Variants in CASR observed in about 807,000 individuals in gnomAD.
The protein encoded by CASR is calcium sensing receptor, also known as extracellular calcium-sensing receptor.
In CASR, 23 loss-of-function variants were observed where a neutral mutation model predicts 69.1. That is an observed-to-expected ratio of 0.33 (90% CI 0.24 to 0.47). The LOEUF is 0.47. Ranked by LOEUF, CASR falls within the 20% of genes least tolerant of loss-of-function variation. The pLI is 1.00. For synonymous variants in CASR, 541 were observed against 544.7 expected (o/e 0.99, Z 0.10); for missense variants, 924 against 1,356.1 (o/e 0.68, Z 5.00).
At chr3:122,254,731 C>G (rs889578961) in intron 2 of CASR, among the ~76,000 whole-genome samples, 1 of 152,146 alleles carries the variant, frequency 6.6e-6, no homozygotes, top group African/African-American at 2.4e-5. Flanking sequence ...GTAGTAAAAT[C>G]CCCCATTGAC....
chr3:122,222,059 C>A (rs1448342010), intron 1 of CASR, among the ~76,000 whole-genome samples: 1 of 152,200 alleles, frequency 6.6e-6, no homozygotes, highest in Non-Finnish European at 1.5e-5. Flanking sequence ...TGGCTGACAG[C>A]TTTCTGCCAA....
chr3:122,257,395 AG>A lies in CASR; in HGVS notation c.492+9del, dbSNP rs762880287. The A allele has an allele frequency of 6.2e-6, 10 of 1,610,092 alleles. No homozygotes were observed. Among genetic ancestry groups the A allele is most frequent in the Non-Finnish European group, 7.6e-6 (9 of 1,177,206 alleles). On this transcript the variant is annotated intron_variant, in intron 3 of 6. Coordinates refer to ENST00000639785, the MANE Select transcript of CASR (RefSeq NM_000388.4). Reference sequence around the variant, plus strand: ...CTCTTCTACATTCCCCAGGTACTCAAGCCTTCTCAGGCGGGGCACTGGGAGC... The same window carrying A: ...CTCTTCTACATTCCCCAGGTACTCAACCTTCTCAGGCGGGGCACTGGGAGC...
At chr3:122,272,126 C>G (rs1434026480) in intron 4 of CASR, among the ~76,000 whole-genome samples, 2 of 149,338 alleles carry the variant, frequency 1.3e-5, no homozygotes, top group South Asian at 2.1e-4. Flanking sequence ...CACACACACA[C>G]GAGTAGGATT....
chr3:122,242,190 A>T (rs2074384813), intron 1 of CASR, among the ~76,000 whole-genome samples: 1 of 152,106 alleles, frequency 6.6e-6, no homozygotes, highest in African/African-American at 2.4e-5. Flanking sequence ...GAGCAATCAG[A>T]CAAGAGAAAG....
In CASR at chr3:122,261,527, G is replaced by A. The variant is rs763030823; in HGVS notation, c.493-1G>A. ...TTCACCATGTTCTTGGTTCTCTCCA[G>A]GTCAGTTATGCCTCCTCCAGCAGAC... On this transcript the variant is annotated splice_acceptor_variant, in intron 3 of 6. Transcript: ENST00000639785. LOFTEE classifies it high-confidence loss of function. 2 of 1,614,016 alleles carry A rather than the reference G, an allele frequency of 1.2e-6. No individual in the cohort carries two copies. The highest frequency in any genetic ancestry group is 1.7e-6 in the Non-Finnish European group (2 of 1,179,984).
At chr3:122,259,435 G>T (rs1039784382) in intron 3 of CASR, among the ~76,000 whole-genome samples, 3 of 151,986 alleles carry the variant, frequency 2.0e-5, no homozygotes, top group Non-Finnish European at 4.4e-5. Flanking sequence ...AAGTTCTGTG[G>T]TATTTCGAGA....
rs1363123262 is a variant in CASR at position 122,196,940 on chromosome 3, C to G, written c.-243+13128C>G. 4.6e-5 allele frequency among the ~76,000 whole-genome samples: 7 copies of G among 152,174 alleles called. No homozygotes were observed. In the East Asian group the frequency reaches 1.3e-3, roughly 29 times the overall value. Reference sequence around the variant, plus strand: ...AGTTAACATATCCATCACCTCACCTCAGTTACCTTTTTTTTGTATGTGTGG... The same window carrying G: ...AGTTAACATATCCATCACCTCACCTGAGTTACCTTTTTTTTGTATGTGTGG... On this transcript the variant is annotated intron_variant, in intron 1 of 6. Coordinates refer to ENST00000639785, the MANE Select transcript of CASR (RefSeq NM_000388.4).
Position 122,285,149 on chromosome 3 carries a change from T to C in CASR, c.3195T>C (p.Ser1065=). The C allele has an allele frequency of 6.2e-7, 1 of 1,614,138 alleles. No individual in the cohort carries two copies. The highest frequency in any genetic ancestry group is 8.5e-7 in the Non-Finnish European group (1 of 1,180,040). ...CCAGTTCACAGAGCTTTGTCATCAG[T>C]GGTGGAGGCAGCACTGTTACAGAAA... ...VVSSSQSFVI[S]GGGSTVTENV... The change falls in exon 7 of 7, where the codon AGT becomes AGC. Residue 1065 remains serine, a synonymous_variant. Coordinates refer to ENST00000639785, the MANE Select transcript of CASR (RefSeq NM_000388.4).
intron 1 of CASR, among the ~76,000 whole-genome samples, chr3:122,196,194 T>G (rs958192385): frequency 6.6e-6 from 1 of 152,156 alleles, no homozygotes; most frequent in Admixed American, 6.5e-5. Context: ...GTTCATGATA[T>G]AAACACATGG....
At chr3:122,268,795 C>G (rs1307378045) in intron 4 of CASR, among the ~76,000 whole-genome samples, 1 of 152,160 alleles carries the variant, frequency 6.6e-6, no homozygotes, top group Non-Finnish European at 1.5e-5. Context: ...AACACAGTAC[C>G]TAGATACAGG....
chr3:122,265,414 C>A (rs374103189), intron 4 of CASR, among the ~76,000 whole-genome samples: 3 of 152,254 alleles, frequency 2.0e-5, no homozygotes, highest in East Asian at 1.9e-4. Flanking sequence ...GACCCCCAAG[C>A]CCTCCTCACA....
chr3:122,273,554 C>G (rs902269872), intron 4 of CASR, among the ~76,000 whole-genome samples: 1 of 152,164 alleles, frequency 6.6e-6, no homozygotes, highest in South Asian at 2.1e-4. Context: ...AGTGGAAACT[C>G]TATGATTAGG....
In CASR at chr3:122,283,930, T is replaced by C; in HGVS notation, c.1976T>C (p.Leu659Pro). The C allele has an allele frequency of 6.2e-7, 1 of 1,613,504 alleles. No homozygotes were observed. The highest frequency in any genetic ancestry group is 8.5e-7 in the Non-Finnish European group (1 of 1,179,910). ...ELSYLLLFSL[L>P]CCFSSSLFFI... The stretch of plus-strand genomic sequence containing the variant: ...TCCTACCTCCTCCTCTTCTCCCTGC[T>C]CTGCTGCTTCTCCAGCTCCCTGTTC... Residue 659 changes from leucine (L) to proline (P), a missense_variant, in exon 7 of 7, where the codon CTC (leucine) becomes CCC (proline). Physicochemically the swap from Leu to Pro is moderately conservative, Grantham distance 98 (BLOSUM62 -3). Transcript: ENST00000639785.
chr3:122,185,022 A>G (rs1480475375), intron 1 of CASR, among the ~76,000 whole-genome samples: 1 of 152,142 alleles, frequency 6.6e-6, no homozygotes, highest in Non-Finnish European at 1.5e-5. Context: ...CTTCAGTGGC[A>G]TCAAATTAGA....
At chr3:122,218,134 G>T (rs917666299) in intron 1 of CASR, among the ~76,000 whole-genome samples, 2 of 152,042 alleles carry the variant, frequency 1.3e-5, no homozygotes, top group East Asian at 3.9e-4. Context: ...TTGGAGGGGG[G>T]CCCAAGTGGA....
chr3:122,224,804 A>G (rs1008128360), intron 1 of CASR, among the ~76,000 whole-genome samples: 4 of 152,220 alleles, frequency 2.6e-5, no homozygotes, highest in African/African-American at 9.6e-5. Context: ...ACTAAAGGCT[A>G]CAGTAACCAA....
chr3:122,192,767 G>C (rs1449210248), intron 1 of CASR, among the ~76,000 whole-genome samples: 1 of 152,114 alleles, frequency 6.6e-6, no homozygotes, highest in Non-Finnish European at 1.5e-5. Context: ...TGATTAAGCG[G>C]GTCTGGAGTG....
At chr3:122,226,522 G>A (rs62269069) in intron 1 of CASR, among the ~76,000 whole-genome samples, 77,847 of 151,948 alleles carry the variant, frequency 0.51, 21,093 homozygotes, top group Admixed American at 0.66. Flanking sequence ...CTGCTGTCTC[G>A]GGCAGCCTGC....
At chr3:122,186,446 A>C (rs1246589609) in intron 1 of CASR, among the ~76,000 whole-genome samples, 2 of 152,214 alleles carry the variant, frequency 1.3e-5, no homozygotes, top group Non-Finnish European at 2.9e-5. Context: ...TCTTAAGATA[A>C]CACGGCAATA....
Sources: allele counts gnomAD v4.1 joint callset (sites outside exome capture counted in the v4.1 genomes callset), GRCh38; gene constraint gnomAD v4.1.1; transcripts MANE v1.5; gene names NCBI Gene and HGNC (gene_info 2026-07-23, HGNC 2026-07-21).